NDUFA7: variants seen among roughly 807,000 people sequenced by gnomAD.
NDUFA7 encodes NADH:ubiquinone oxidoreductase subunit A7.
In NDUFA7, 18 loss-of-function variants were observed where a neutral mutation model predicts 14.2. The ratio of observed to expected loss-of-function variants is 1.27; its 90% CI spans 0.88 to 1.88. NDUFA7 has a LOEUF of 1.88. Ranked by LOEUF, NDUFA7 falls within the 40% of genes most tolerant of loss-of-function variation. NDUFA7 has a pLI of 0.00. For synonymous variants in NDUFA7, 75 were observed against 62.1 expected, an observed-to-expected ratio of 1.21 and a Z score of -0.98; for missense variants, 172 against 147.3, an observed-to-expected ratio of 1.17 and a Z score of -0.87.
At chr19:8,313,961 G>A (rs1568562447) in intron 3 of NDUFA7, among the ~76,000 whole-genome samples, 1 of 152,192 alleles carries the variant, frequency 6.6e-6, no homozygotes, top group Non-Finnish European at 1.5e-5. Context: ...ATTAAGAGAA[G>A]ACACCTGAAA....
At chr19:8,309,945 A>G (rs1472870737), downstream of NDUFA7, among the ~76,000 whole-genome samples, 1 of 152,196 alleles carries the variant, frequency 6.6e-6, no homozygotes, top group African/African-American at 2.4e-5. Flanking sequence ...CTTATCCCAC[A>G]GCCCCAGCAT....
downstream of NDUFA7, among the ~76,000 whole-genome samples, chr19:8,310,314 A>G (rs970527847): frequency 6.6e-6 from 1 of 152,064 alleles, no homozygotes; most frequent in Non-Finnish European, 1.5e-5. Context: ...CTGTAATCCC[A>G]GCTACTCGGG....
chr19:8,309,689 G>T (rs76255172), downstream of NDUFA7, among the ~76,000 whole-genome samples: 3,374 of 152,216 alleles, frequency 0.022, 123 homozygotes, highest in African/African-American at 0.076. Context: ...CTGGGACACT[G>T]GTACCTGCTG....
intron 1 of NDUFA7, 134 bp from the exon 2 acceptor site, chr19:8,321,040 A>C: frequency 9.5e-7 from 1 of 1,054,588 alleles, no homozygotes. Flanking sequence ...GGGGAAACGG[A>C]TGTGGGTCCT....
chr19:8,321,314 C>A lies in NDUFA7; in HGVS notation c.45G>T (p.Ala15=), dbSNP rs574729455. The part of the protein sequence containing the change: ...TRLIQRLRNW[A]SGHDLQGKLQ... ...CCCTGTCCGCCCCGCGCACCCCGGA[C>A]GCCCAGTTCCGCAGCCGCTGGATGA... is the stretch of plus-strand genomic sequence containing the variant. The change falls in exon 1 of 4, where the codon GCG becomes GCT. Residue 15 remains alanine (A), a synonymous_variant. Transcript: ENST00000301457. 334 of 1,575,384 alleles carry A rather than the reference C, an allele frequency of 2.1e-4. No homozygotes were observed. The East Asian group carries it at 7.0e-3, about 33-fold the overall frequency.
downstream of NDUFA7, among the ~76,000 whole-genome samples, chr19:8,309,959 G>A (rs1970155340): frequency 6.6e-6 from 1 of 152,202 alleles, no homozygotes; most frequent in Admixed American, 6.6e-5. Flanking sequence ...CCAGCATAAT[G>A]GGATCTGGCT....
At chr19:8,312,603 C>T (rs1299168840) in intron 3 of NDUFA7, among the ~76,000 whole-genome samples, 5 of 152,154 alleles carry the variant, frequency 3.3e-5, no homozygotes, top group African/African-American at 1.2e-4. Context: ...GCCTCAGCCT[C>T]CCAAGTAACT....
chr19:8,321,030 G>C, intron 1 of NDUFA7, 124 bp from the exon 2 acceptor site: 2 of 1,142,922 alleles, frequency 1.7e-6, no homozygotes. Flanking sequence ...ATGAACACTC[G>C]GGGAAACGGA....
intron 3 of NDUFA7, among the ~76,000 whole-genome samples, chr19:8,314,275 C>T (rs568669146): frequency 5.3e-4 from 81 of 151,496 alleles, no homozygotes; most frequent in South Asian, 2.9e-3. Context: ...GAGCCGAAAT[C>T]GCGCCACTGC....
chr19:8,313,371 C>T (rs1444871055), intron 3 of NDUFA7, among the ~76,000 whole-genome samples: 1 of 152,120 alleles, frequency 6.6e-6, no homozygotes, highest in African/African-American at 2.4e-5. Context: ...GCTGGGACTA[C>T]AGGCGCCCAC....
At chr19:8,318,824 AG>A (rs2145398637) in intron 2 of NDUFA7, among the ~76,000 whole-genome samples, 2 of 151,730 alleles carry the variant, frequency 1.3e-5, no homozygotes, top group South Asian at 4.2e-4. Flanking sequence ...TACAAAAATT[AG>A]CTGGGTGTGG....
chr19:8,310,659 C>G (rs1970166688), downstream of NDUFA7: 1 of 152,194 alleles, frequency 6.6e-6, no homozygotes. Context: ...GGGACAGTGT[C>G]TGTCCCACCC....
intron 3 of NDUFA7, 37 bp downstream of exon 3, chr19:8,316,459 C>T (rs767232911): frequency 6.2e-7 from 1 of 1,608,412 alleles, no homozygotes; most frequent in South Asian, 1.1e-5. Context: ...CAGGAGGGGG[C>T]ATGGGGGCTG....
At position 8,321,297 on chromosome 19, in the gene NDUFA7, G is replaced by A. The variant is rs771394167; in HGVS notation, c.51+11C>T. Reference sequence around the variant, plus strand: ...AGCCCCCCATGGTGCAGCCCTGTCCGCCCCGCGCACCCCGGACGCCCAGTT... The same window carrying A: ...AGCCCCCCATGGTGCAGCCCTGTCCACCCCGCGCACCCCGGACGCCCAGTT... On this transcript the variant is annotated intron_variant, in intron 1 of 3. Coordinates refer to ENST00000301457, the MANE Select transcript of NDUFA7 (RefSeq NM_005001.5). The A allele has an allele frequency of 7.7e-6, 12 of 1,563,836 alleles. No individual in the cohort carries two copies. The highest frequency in any genetic ancestry group is 7.5e-5 in the Admixed American group (4 of 53,536).
chr19:8,321,371 A>G lies in NDUFA7; in HGVS notation c.-13T>C. On this transcript the variant is annotated 5_prime_UTR_variant, in exon 1 of 4. Coordinates refer to ENST00000301457, the MANE Select transcript of NDUFA7 (RefSeq NM_005001.5). ...TGGCGGACGCCATCTTCCGTCCGCG[A>G]TACTGAAGGGCGCAGCCGGTGACGT... The G allele has an allele frequency of 6.4e-7, 1 of 1,569,128 alleles. No individual in the cohort carries two copies. The highest frequency in any genetic ancestry group is 8.6e-7 in the Non-Finnish European group (1 of 1,159,068).
intron 2 of NDUFA7, 78 bp downstream of exon 2, chr19:8,320,779 G>T (rs552569289): frequency 7.9e-4 from 1,226 of 1,555,288 alleles, no homozygotes; most frequent in Non-Finnish European, 1.0e-3. Context: ...CGTTTCAGGG[G>T]TCTAAAGGAA....
intron 3 of NDUFA7, 94 bp from the exon 4 acceptor site, chr19:8,311,689 AG>A (rs1365637253): frequency 8.6e-6 from 9 of 1,049,092 alleles, no homozygotes; most frequent in Non-Finnish European, 1.3e-5. Context: ...ACACACCCAC[AG>A]GGACTTTCTG....
At chr19:8,316,148 CA>C (rs60161246) in intron 3 of NDUFA7, among the ~76,000 whole-genome samples, 8,235 of 80,364 alleles carry the variant, frequency 0.1, 312 homozygotes, top group South Asian at 0.25. Flanking sequence ...GACTCCGTCT[CA>C]AAAAAAAAAA....
chr19:8,312,524 A>G (rs1970190358), intron 3 of NDUFA7, among the ~76,000 whole-genome samples: 1 of 152,222 alleles, frequency 6.6e-6, no homozygotes, highest in Non-Finnish European at 1.5e-5. Context: ...TCTGTCACCC[A>G]GGCTGGTGTG....
Sources: gnomAD v4.1 joint callset for allele counts (sites outside exome capture counted in the v4.1 genomes callset) on GRCh38, gnomAD v4.1.1 for gene constraint, MANE v1.5 for transcripts, NCBI Gene and HGNC (gene_info 2026-07-23, HGNC 2026-07-21) for gene names.